Variants in CADM2 observed in about 807,000 individuals in gnomAD.
CADM2 encodes immunoglobulin superfamily member 4D.
In CADM2, 12 loss-of-function variants were observed where a neutral mutation model predicts 49.8. That is an observed-to-expected ratio of 0.24 (90% confidence interval 0.15 to 0.39). The LOEUF (loss-of-function observed/expected upper bound fraction) is 0.39, where lower values mean the gene tolerates loss of function less well. CADM2 is among the 10% of genes least tolerant of loss of function. The pLI is 1.00. For missense variants in CADM2, 378 were observed against 492.3 expected (o/e 0.77, Z 2.20); for synonymous variants, 214 against 175.4 (o/e 1.22, Z -1.74).
At chr3:85,915,803 G>A (rs1032998605) in intron 6 of CADM2, among the ~76,000 whole-genome samples, 2 of 152,098 alleles carry the variant, frequency 1.3e-5, no homozygotes, top group Non-Finnish European at 2.9e-5. Flanking sequence ...GGCCCAAATG[G>A]AAGAACATTT....
intron 8 of CADM2, among the ~76,000 whole-genome samples, chr3:86,029,206 T>A (rs1559811252): frequency 6.6e-6 from 1 of 152,132 alleles, no homozygotes; most frequent in Non-Finnish European, 1.5e-5. Context: ...TATTGAACAT[T>A]TTCAGACACA....
chr3:85,351,986 A>G (rs2031397169), intron 1 of CADM2, among the ~76,000 whole-genome samples: 1 of 152,058 alleles, frequency 6.6e-6, no homozygotes, highest in African/African-American at 2.4e-5. Flanking sequence ...TATATATATA[A>G]TAGTAGTTAT....
chr3:85,437,783 C>T (rs1005206834), intron 1 of CADM2, among the ~76,000 whole-genome samples: 6 of 151,760 alleles, frequency 4.0e-5, no homozygotes, highest in Non-Finnish European at 8.8e-5. Context: ...TTTATTGTTC[C>T]TTTTTTCTAA....
At position 85,484,948 on chromosome 3, in the gene CADM2, A is replaced by G. The variant is rs141975947; in HGVS notation, c.62-241574A>G. 4.5e-3 allele frequency among the ~76,000 whole-genome samples: 691 copies of G among 152,042 alleles called. 6 individuals are homozygous for G. The highest frequency in any genetic ancestry group is 0.016 in the African/African-American group (659 of 41,538). On this transcript the variant is annotated intron_variant, in intron 1 of 9. Transcript: ENST00000383699. ...CCTTCACGCAGTTTGCCAGTGTAGCACAGTAATAGTTTTATGGCTTTAAAC... is the reference window on the plus strand; with the variant it reads ...CCTTCACGCAGTTTGCCAGTGTAGCGCAGTAATAGTTTTATGGCTTTAAAC...
chr3:85,484,178 A>G (rs2107633128), intron 1 of CADM2, among the ~76,000 whole-genome samples: 1 of 151,932 alleles, frequency 6.6e-6, no homozygotes, highest in African/African-American at 2.4e-5. Flanking sequence ...TTTCCAGGAG[A>G]TGCTTGAGCA....
chr3:85,524,916 ATTG>A (rs1190856359), intron 1 of CADM2, among the ~76,000 whole-genome samples: 1 of 152,066 alleles, frequency 6.6e-6, no homozygotes, highest in Non-Finnish European at 1.5e-5. Context: ...GGTAGTATTT[ATTG>A]TTTTGAAACC....
chr3:85,132,442 A>G (rs1162781090), intron 1 of CADM2, among the ~76,000 whole-genome samples: 1 of 152,176 alleles, frequency 6.6e-6, no homozygotes, highest in Non-Finnish European at 1.5e-5. Context: ...GGCAGGCAAG[A>G]GTTGGTCTGG....
intron 1 of CADM2, among the ~76,000 whole-genome samples, chr3:85,434,047 C>T (rs73843609): frequency 0.012 from 1,769 of 151,924 alleles, 38 homozygotes; most frequent in African/African-American, 0.04. Context: ...CAGTATGAGT[C>T]GATTAAGTTT....
At chr3:84,982,614 A>C (rs924051507) in intron 1 of CADM2, among the ~76,000 whole-genome samples, 3 of 149,764 alleles carry the variant, frequency 2.0e-5, no homozygotes, top group African/African-American at 4.9e-5. Flanking sequence ...TAAAAATAAA[A>C]TAGATTATTT....
chr3:84,987,786 C>T (rs1050601217), intron 1 of CADM2, among the ~76,000 whole-genome samples: 4 of 152,162 alleles, frequency 2.6e-5, no homozygotes, highest in African/African-American at 9.7e-5. Context: ...ATGCCTAGCC[C>T]AGCTGTCTCC....
At chr3:85,202,428 C>A (rs1385651761) in intron 1 of CADM2, among the ~76,000 whole-genome samples, 1 of 152,062 alleles carries the variant, frequency 6.6e-6, no homozygotes, top group Non-Finnish European at 1.5e-5. Flanking sequence ...GTTGTTCTTC[C>A]TGCATATCTC....
intron 1 of CADM2, among the ~76,000 whole-genome samples, chr3:85,010,849 G>GCCTTTT (rs1559615401): frequency 2.5e-5 from 1 of 40,638 alleles, no homozygotes; most frequent in African/African-American, 1.2e-4. Context: ...CTCTGTTTAT[G>GCCTTTT]TCTTTTTTTT....
At chr3:85,467,591 A>G (rs1472607246) in intron 1 of CADM2, among the ~76,000 whole-genome samples, 1 of 151,580 alleles carries the variant, frequency 6.6e-6, no homozygotes, top group Admixed American at 6.6e-5. Flanking sequence ...ACTACAGGAC[A>G]TAAAAATTAA....
intron 1 of CADM2, among the ~76,000 whole-genome samples, chr3:85,093,194 T>G (rs942928407): frequency 6.6e-6 from 1 of 152,104 alleles, no homozygotes; most frequent in East Asian, 1.9e-4. Flanking sequence ...AAATATAATT[T>G]CATTCTTTCA....
intron 1 of CADM2, among the ~76,000 whole-genome samples, chr3:85,426,467 G>T (rs2036411691): frequency 6.6e-6 from 1 of 151,910 alleles, no homozygotes. Flanking sequence ...TCAATATGTT[G>T]TTTTATTTTT....
chr3:85,075,784 C>T (rs1031129884), intron 1 of CADM2, among the ~76,000 whole-genome samples: 15 of 151,966 alleles, frequency 9.9e-5, no homozygotes, highest in African/African-American at 3.4e-4. Context: ...GCATAATAAG[C>T]GATGGTGAGC....
chr3:85,823,529 G>A (rs1250337735), intron 3 of CADM2, among the ~76,000 whole-genome samples: 2 of 152,110 alleles, frequency 1.3e-5, no homozygotes, highest in Non-Finnish European at 2.9e-5. Context: ...TTGCTGGTGA[G>A]TAATAAACTG....
At chr3:85,982,719 A>G (rs1444744037) in intron 8 of CADM2, among the ~76,000 whole-genome samples, 2 of 151,650 alleles carry the variant, frequency 1.3e-5, no homozygotes, top group East Asian at 1.9e-4. Context: ...TGCCTTTTAA[A>G]TTAAAACTTT....
chr3:85,181,404 T>C (rs72909106), intron 1 of CADM2, among the ~76,000 whole-genome samples: 1,609 of 152,144 alleles, frequency 0.011, 15 homozygotes, highest in African/African-American at 0.023. Flanking sequence ...TTGTCTTTCA[T>C]TGAGATGAAA....
Sources: allele counts gnomAD v4.1 joint callset (sites outside exome capture counted in the v4.1 genomes callset), GRCh38; gene constraint gnomAD v4.1.1; transcripts MANE v1.5; gene names NCBI Gene and HGNC (gene_info 2026-07-23, HGNC 2026-07-21).